Variants in PCDHGB4 observed in about 807,000 individuals in gnomAD.
PCDHGB4 encodes protocadherin gamma subfamily B, 4.
Under a neutral mutation model 60.5 loss-of-function variants are expected in PCDHGB4, and 38 were observed. The observed-to-expected ratio is 0.63, with a 90% CI of 0.48 to 0.82. The LOEUF (loss-of-function observed/expected upper bound fraction) is 0.82, where lower values mean the gene tolerates loss of function less well. Among genes scored for constraint, PCDHGB4 ranks in the 40% least tolerant of loss-of-function variants. PCDHGB4 has a pLI of 0.00. For missense variants in PCDHGB4, 1,109 were observed against 1,209.6 expected, an observed-to-expected ratio of 0.92 and a Z score of 1.23; for synonymous variants, 456 against 509.7, an observed-to-expected ratio of 0.89 and a Z score of 1.42.
Position 141,409,086 on chromosome 5 carries a change from A to G in PCDHGB4, c.2397+18805A>G, listed in dbSNP as rs1019017199. 6.8e-6 allele frequency: 11 copies of G among 1,613,904 alleles called. No homozygotes were observed. Among genetic ancestry groups the G allele is most frequent in the African/African-American group, 5.3e-5 (4 of 74,932 alleles). On this transcript the variant is annotated intron_variant, in intron 1 of 3. Transcript: ENST00000519479. ...AGCACAAAACATATGTTCTCATTGG[A>G]TGAGAAAACAGGTATGATTAAGAAT... is the stretch of plus-strand genomic sequence containing the variant.
chr5:141,427,710 G>T, intron 1 of PCDHGB4: 2 of 1,033,628 alleles, frequency 1.9e-6, no homozygotes, highest in South Asian at 2.6e-5. Context: ...CAGCGCCTCT[G>T]ACCTGGACCT....
intron 1 of PCDHGB4, chr5:141,399,398 G>A (rs1374441258): frequency 6.2e-7 from 1 of 1,613,972 alleles, no homozygotes; most frequent in Non-Finnish European, 8.5e-7. Flanking sequence ...ACAGACAGGG[G>A]CAAGCCGCCC....
intron 1 of PCDHGB4, chr5:141,407,920 C>T: frequency 2.1e-6 from 1 of 475,788 alleles, no homozygotes; most frequent in Non-Finnish European, 3.6e-6. Context: ...GCTGCTGTCC[C>T]GCACGGAGCC....
intron 1 of PCDHGB4, chr5:141,433,260 C>A: frequency 1.5e-6 from 2 of 1,352,308 alleles, no homozygotes; most frequent in South Asian, 1.4e-5. Flanking sequence ...GCGGTACGAT[C>A]ATAGCTCACT....
chr5:141,494,924 TGGGAGGAGATGGGGGAG>T, intron 2 of PCDHGB4, 59 bp downstream of exon 2: 1 of 1,613,498 alleles, frequency 6.2e-7, no homozygotes, highest in Admixed American at 1.7e-5. Flanking sequence ...AGGGATGACG[TGGGAGGAGATGGGGGAG>T]GGCCCAGCAT....
chr5:141,485,247 G>T lies in PCDHGB4; in HGVS notation c.2398-9560G>T. On this transcript the variant is annotated intron_variant, in intron 1 of 3. Coordinates refer to ENST00000519479, the MANE Select transcript of PCDHGB4 (RefSeq NM_003736.4). The surrounding 1 kb of genome is among the most constrained non-coding windows in gnomAD (Gnocchi z 5.7). ...CTTTTGTTCCTCTTTTACCACCTGG[G>T]TTACGTTTGTGGGCAGATCCGCTAC... The T allele has an allele frequency of 2.5e-6, 4 of 1,614,156 alleles. No individual in the cohort carries two copies. The highest frequency in any genetic ancestry group is 3.4e-6 in the Non-Finnish European group (4 of 1,180,010).
intron 1 of PCDHGB4, chr5:141,413,903 C>T (rs1038159413): frequency 2.5e-6 from 4 of 1,613,308 alleles, no homozygotes; most frequent in Non-Finnish European, 3.4e-6. Flanking sequence ...AATGACAACG[C>T]GCCGGTCTTC....
intron 1 of PCDHGB4, chr5:141,390,735 C>T (rs1453703867): frequency 5.3e-6 from 1 of 189,140 alleles, no homozygotes; most frequent in Non-Finnish European, 1.1e-5. Context: ...CTGGTATGGT[C>T]TCCATAGTAG....
chr5:141,465,142 T>TCCCTAA (rs2099097979), intron 1 of PCDHGB4, among the ~76,000 whole-genome samples: 3 of 151,990 alleles, frequency 2.0e-5, no homozygotes, highest in Non-Finnish European at 4.4e-5. Flanking sequence ...GTTTAGGGGA[T>TCCCTAA]ATATGAAGGG....
chr5:141,494,607 C>T (rs2099755630), intron 1 of PCDHGB4, among the ~76,000 whole-genome samples, 200 bp from the exon 2 acceptor site: 2 of 152,092 alleles, frequency 1.3e-5, no homozygotes, highest in South Asian at 2.1e-4. Flanking sequence ...TGTGATTTAT[C>T]TCTTGGTTTC....
chr5:141,465,413 G>A (rs996581829), intron 1 of PCDHGB4, among the ~76,000 whole-genome samples: 1 of 152,174 alleles, frequency 6.6e-6, no homozygotes, highest in Non-Finnish European at 1.5e-5. Context: ...AGCCAAATCA[G>A]CACTGAAAGG....
At chr5:141,421,192 C>G (rs758345796) in intron 1 of PCDHGB4, 22 of 1,491,716 alleles carry the variant, frequency 1.5e-5, no homozygotes, top group Non-Finnish European at 1.9e-5. Flanking sequence ...AACCAACCAG[C>G]TCGAGAAACC....
chr5:141,455,494 T>C (rs1223531150), intron 1 of PCDHGB4, among the ~76,000 whole-genome samples: 2 of 152,214 alleles, frequency 1.3e-5, no homozygotes, highest in African/African-American at 4.8e-5. Context: ...AGGTGATGTC[T>C]GATTTGCATA....
chr5:141,397,995 C>T, intron 1 of PCDHGB4: 1 of 1,367,706 alleles, frequency 7.3e-7, no homozygotes, highest in Non-Finnish European at 9.8e-7. Flanking sequence ...CCGCTTCCTC[C>T]TCGGAAAAAG....
chr5:141,417,905 G>A (rs1462731893), intron 1 of PCDHGB4: 1 of 1,593,646 alleles, frequency 6.3e-7, no homozygotes, highest in Admixed American at 1.8e-5. Flanking sequence ...CCCGCGGCAG[G>A]TACTATTTCC....
At position 141,393,619 on chromosome 5, in the gene PCDHGB4, C is replaced by T. The variant is rs768350628; in HGVS notation, c.2397+3338C>T. 50 of 1,613,708 alleles carry T rather than the reference C, an allele frequency of 3.1e-5. No homozygotes were observed. Among genetic ancestry groups the T allele is most frequent in the Admixed American group, 6.7e-5 (4 of 60,000 alleles). ...CTGCTTACTGTAACAGCCAGCGACC[C>T]GGATGAGGGAATCAACGGAAAAGTG... On this transcript the variant is annotated intron_variant, in intron 1 of 3. Transcript: ENST00000519479.
intron 1 of PCDHGB4, chr5:141,404,626 T>C (rs1443011566): frequency 1.2e-6 from 2 of 1,614,164 alleles, no homozygotes; most frequent in Admixed American, 3.3e-5. Flanking sequence ...AGAATGACAA[T>C]GCCCCAGAAA....
Position 141,403,062 on chromosome 5 carries a change from A to G in PCDHGB4, c.2397+12781A>G, listed in dbSNP as rs780758422. On this transcript the variant is annotated intron_variant, in intron 1 of 3. Transcript: ENST00000519479. ...AGTCAGATTCGCTACTCAGTGCCTG[A>G]AGAGACAGAAAAGGGCTATATTGTG... is the stretch of plus-strand genomic sequence containing the variant. The G allele has an allele frequency of 7.4e-6, 12 of 1,613,964 alleles. 1 individual carries two copies. The South Asian group carries it at 1.1e-4, about 15-fold the overall frequency.
In PCDHGB4 at chr5:141,486,565, T is replaced by C; in HGVS notation, c.2398-8242T>C. ...TTCAGAGGTCACATGAGGTGTTTGT[T>C]CCTGAGAACAATCGCCCAGGGGACC... On this transcript the variant is annotated intron_variant, in intron 1 of 3. Coordinates refer to ENST00000519479, the MANE Select transcript of PCDHGB4 (RefSeq NM_003736.4). The surrounding 1 kb of genome is among the most constrained non-coding windows in gnomAD (Gnocchi z 5.0). 6.2e-7 allele frequency: 1 copy of C among 1,614,024 alleles called. No homozygotes were observed. Among genetic ancestry groups the C allele is most frequent in the Non-Finnish European group, 8.5e-7 (1 of 1,180,032 alleles).
Sources: gnomAD v4.1 joint callset for allele counts (sites outside exome capture counted in the v4.1 genomes callset) on GRCh38, gnomAD v4.1.1 for gene constraint, Gnocchi (gnomAD v3.1) non-coding constraint, MANE v1.5 for transcripts, NCBI Gene and HGNC (gene_info 2026-07-23, HGNC 2026-07-21) for gene names.